Variants in PNPLA4 observed in about 807,000 individuals in gnomAD.
The protein encoded by PNPLA4 is patatin-like phospholipase domain-containing protein 4.
A neutral mutation model predicts 18.3 loss-of-function variants in PNPLA4; 15 were observed. The ratio of observed to expected loss-of-function variants is 0.82; its 90% CI spans 0.55 to 1.26. PNPLA4 has a LOEUF of 1.26. Ranked by LOEUF, PNPLA4 falls within the 50% of genes most tolerant of loss-of-function variation. The pLI is 0.00. For synonymous variants in PNPLA4, 88 were observed against 85.6 expected (o/e 1.03, Z -0.16); for missense variants, 229 against 196.8 (o/e 1.16, Z -0.98).
chrX:7,908,239 C>T (rs1167421802), intron 5 of PNPLA4, among the ~76,000 whole-genome samples: 1 of 111,522 alleles, frequency 9.0e-6, no homozygotes, highest in African/African-American at 3.3e-5. Context: ...CTTTCTCTGC[C>T]TTTCCTGACT....
upstream of PNPLA4, chrX:7,927,416 T>G (rs1396297369): frequency 8.8e-6 from 1 of 113,408 alleles, no homozygotes; most frequent in Non-Finnish European, 1.9e-5. Context: ...AGGAAAGTCC[T>G]GCGGCAGGGG....
intron 4 of PNPLA4, among the ~76,000 whole-genome samples, chrX:7,912,584 C>T (rs770527124): frequency 1.1e-4 from 12 of 111,613 alleles, no homozygotes; most frequent in Non-Finnish European, 1.5e-4. Context: ...GTTCCAATGA[C>T]GTGGTCAGGA....
At chrX:7,923,300 T>G in intron 2 of PNPLA4, among the ~76,000 whole-genome samples, 1 of 111,322 alleles carries the variant, frequency 9.0e-6, no homozygotes, top group Middle Eastern at 4.6e-3. Flanking sequence ...GAGGCAGAGT[T>G]GGAGAGATTT....
chrX:7,914,762 G>A (rs1923986952), intron 4 of PNPLA4, among the ~76,000 whole-genome samples: 1 of 110,577 alleles, frequency 9.0e-6, no homozygotes, highest in African/African-American at 3.3e-5. Context: ...TTTCCCCCGT[G>A]TCAAAGTATA....
chrX:7,904,633 C>T (rs1923651834), intron 5 of PNPLA4, among the ~76,000 whole-genome samples: 1 of 112,332 alleles, frequency 8.9e-6, no homozygotes, highest in Admixed American at 9.4e-5. Context: ...CTTCAACCTC[C>T]AAATTAAAAG....
In PNPLA4 at chrX:7,898,945, A is replaced by T. The variant is rs180786313; in HGVS notation, c.*1741T>A. The T allele has an allele frequency of 1.5e-4, 17 of 112,249 alleles. No homozygotes were observed. Among genetic ancestry groups the T allele is most frequent in the Admixed American group, 1.2e-3 (13 of 10,636 alleles). 9.3% of individuals were successfully genotyped at this position (112,249 alleles called of 1,213,427 possible). A position where few individuals can be genotyped will look rare whatever the true frequency, so the allele number is the denominator to read the frequency against. On this transcript the variant is annotated 3_prime_UTR_variant, in exon 7 of 7. Coordinates refer to ENST00000381042, the MANE Select transcript of PNPLA4 (RefSeq NM_004650.3). ...AAATACAGTGTATCATACAAATAGA[A>T]TATTCACATGAAATGATCAAAGGAA...
At chrX:7,914,525 C>T (rs1288360707) in intron 4 of PNPLA4, among the ~76,000 whole-genome samples, 5 of 112,117 alleles carry the variant, frequency 4.5e-5, no homozygotes, top group South Asian at 3.7e-4. Context: ...AGGTATGTTT[C>T]GCAAGCACAA....
chrX:7,912,099 T>C lies in PNPLA4; in HGVS notation c.412-6A>G. On this transcript the variant is annotated splice_region_variant and splice_polypyrimidine_tract_variant and intron_variant, in intron 4 of 6. Coordinates refer to ENST00000381042, the MANE Select transcript of PNPLA4 (RefSeq NM_004650.3). ...AAACTGCTGGCTAGGAGGACCTAGA[T>C]GGATAAAATAAAGAAGCAGCTCATG... The C allele has an allele frequency of 8.5e-7, 1 of 1,182,640 alleles. No individual in the cohort carries two copies. Among genetic ancestry groups the C allele is most frequent in the Non-Finnish European group, 1.1e-6 (1 of 870,153 alleles).
chrX:7,906,080 C>T (rs182264459), intron 5 of PNPLA4, among the ~76,000 whole-genome samples: 254 of 112,083 alleles, frequency 2.3e-3, no homozygotes, highest in Middle Eastern at 4.6e-3. Flanking sequence ...GAACTGATTT[C>T]TGAGGGGTGA....
intron 6 of PNPLA4, among the ~76,000 whole-genome samples, chrX:7,901,409 T>C (rs1458170477): frequency 3.6e-5 from 4 of 110,138 alleles, no homozygotes; most frequent in Middle Eastern, 4.3e-3. Flanking sequence ...CAGTGAGACT[T>C]TGTCTCTGCA....
chrX:7,905,412 C>T (rs779306476), intron 5 of PNPLA4, among the ~76,000 whole-genome samples: 9 of 111,625 alleles, frequency 8.1e-5, no homozygotes, highest in Non-Finnish European at 1.5e-4. Flanking sequence ...GATGAGTTAA[C>T]CTGTACTGAA....
rs1048708755 is a variant in PNPLA4, at chrX:7,899,876, G to A, written c.*810C>T. On this transcript the variant is annotated 3_prime_UTR_variant, in exon 7 of 7. Coordinates refer to ENST00000381042, the MANE Select transcript of PNPLA4 (RefSeq NM_004650.3). Reference sequence around the variant, plus strand: ...GTCCCCACCCAAATCTCATCTTGAAGTGTATGTAGCTCCCACAATTGCCAC... The same window carrying A: ...GTCCCCACCCAAATCTCATCTTGAAATGTATGTAGCTCCCACAATTGCCAC... The A allele has an allele frequency of 9.8e-5, 11 of 111,701 alleles. No individual in the cohort carries two copies. Among genetic ancestry groups the A allele is most frequent in the African/African-American group, 2.9e-4 (9 of 30,672 alleles). 9.2% of individuals were successfully genotyped at this position (111,701 alleles called of 1,213,427 possible). A position where few individuals can be genotyped will look rare whatever the true frequency, so the allele number is the denominator to read the frequency against.
intron 5 of PNPLA4, among the ~76,000 whole-genome samples, chrX:7,910,981 A>G (rs146900811): frequency 9.0e-6 from 1 of 111,553 alleles, no homozygotes; most frequent in Admixed American, 9.6e-5. Flanking sequence ...TATAAAATAC[A>G]TATCTCTGGT....
At chrX:7,912,475 GA>G (rs1232815021) in intron 4 of PNPLA4, among the ~76,000 whole-genome samples, 9 of 111,925 alleles carry the variant, frequency 8.0e-5, no homozygotes, top group Non-Finnish European at 1.3e-4. Context: ...CTTTCTGGAG[GA>G]ACAAAGCCCT....
At position 7,899,881 on chromosome X, in the gene PNPLA4, T is replaced by A. The variant is rs1436145199; in HGVS notation, c.*805A>T. On this transcript the variant is annotated 3_prime_UTR_variant, in exon 7 of 7. Transcript: ENST00000381042. The stretch of plus-strand genomic sequence containing the variant: ...CACCCAAATCTCATCTTGAAGTGTA[T>A]GTAGCTCCCACAATTGCCACACGTT... 1 of 111,679 alleles carries A rather than the reference T, an allele frequency of 9.0e-6. No individual in the cohort carries two copies. Among genetic ancestry groups the A allele is most frequent in the African/African-American group, 3.3e-5 (1 of 30,648 alleles). The allele number at this position is 111,679 out of a possible 1,213,427, so 9.2% of individuals were successfully genotyped here.
intron 4 of PNPLA4, among the ~76,000 whole-genome samples, chrX:7,919,804 T>G (rs1216123999): frequency 8.9e-6 from 1 of 112,019 alleles, no homozygotes; most frequent in African/African-American, 3.2e-5. Context: ...GCTAGACACA[T>G]GAACCACAGT....
rs188300891 is a variant in PNPLA4, at chrX:7,927,388, C to G, written c.-116G>C. The G allele has an allele frequency of 8.8e-6, 1 of 113,458 alleles. No individual in the cohort carries two copies. Among genetic ancestry groups the G allele is most frequent in the Admixed American group, 9.2e-5 (1 of 10,892 alleles). 9.4% of individuals were successfully genotyped at this position (113,458 alleles called of 1,213,427 possible). A position where few individuals can be genotyped will look rare whatever the true frequency, so the allele number is the denominator to read the frequency against. ...ATTCCGCCACCAAGGCCGCGCTACG[C>G]TCTCCGCGAGCCGGCCCAGGAAAGT... is the stretch of plus-strand genomic sequence containing the variant. On this transcript the variant is annotated 5_prime_UTR_variant, in exon 1 of 7. Coordinates refer to ENST00000381042, the MANE Select transcript of PNPLA4 (RefSeq NM_004650.3).
intron 5 of PNPLA4, among the ~76,000 whole-genome samples, chrX:7,907,638 T>C (rs766304698): frequency 6.2e-5 from 7 of 112,338 alleles, no homozygotes; most frequent in African/African-American, 2.3e-4. Context: ...GTATGTACTA[T>C]AAGGTATCAA....
At chrX:7,910,207 T>C (rs1923828960) in intron 5 of PNPLA4, among the ~76,000 whole-genome samples, 1 of 111,986 alleles carries the variant, frequency 8.9e-6, no homozygotes, top group Non-Finnish European at 1.9e-5. Context: ...CCATATTACC[T>C]GAAGCCTATT....
Sources: allele counts gnomAD v4.1 joint callset (sites outside exome capture counted in the v4.1 genomes callset), GRCh38; gene constraint gnomAD v4.1.1; transcripts MANE v1.5; gene names NCBI Gene and HGNC (gene_info 2026-07-23, HGNC 2026-07-21).